Variants in ZBTB25 observed in about 807,000 individuals in gnomAD.
ZBTB25 encodes the protein zinc finger and BTB domain containing 25.
ZBTB25 carries 20 observed loss-of-function variants against 34.2 expected under a neutral mutation model. The observed-to-expected ratio is 0.58, with a 90% CI of 0.41 to 0.85. The LOEUF (loss-of-function observed/expected upper bound fraction) is 0.85. Among genes scored for constraint, ZBTB25 ranks in the 40% least tolerant of loss-of-function variants. ZBTB25 has a pLI of 0.00. For synonymous variants in ZBTB25, 175 were observed against 186.4 expected, an observed-to-expected ratio of 0.94 and a Z score of 0.50; for missense variants, 437 against 521.8, an observed-to-expected ratio of 0.84 and a Z score of 1.58.
chr14:64,453,241 C>T (rs1392535315), intron 2 of ZBTB25, among the ~76,000 whole-genome samples: 2 of 152,002 alleles, frequency 1.3e-5, no homozygotes, highest in African/African-American at 4.8e-5. Context: ...CTCTGTGGGA[C>T]ATTTTCACTT....
At chr14:64,468,097 G>A (rs2141003019) in intron 2 of ZBTB25, 1 of 192,224 alleles carries the variant, frequency 5.2e-6, no homozygotes, top group East Asian at 1.3e-4. Flanking sequence ...TAGGCTCATA[G>A]TGAAATAAAA....
chr14:64,491,625 A>C (rs2079081115), intron 1 of ZBTB25, among the ~76,000 whole-genome samples: 1 of 152,232 alleles, frequency 6.6e-6, no homozygotes, highest in Non-Finnish European at 1.5e-5. Flanking sequence ...AGCCGAGTAT[A>C]AGCAGCAAAA....
chr14:64,489,639 A>G (rs1169550863), intron 2 of ZBTB25, among the ~76,000 whole-genome samples: 2 of 150,668 alleles, frequency 1.3e-5, no homozygotes, highest in African/African-American at 4.9e-5. Flanking sequence ...AGGTACACGC[A>G]ATTCTCCTCC....
At chr14:64,502,845 T>C (rs1303603819) in intron 1 of ZBTB25, 2 of 979,642 alleles carry the variant, frequency 2.0e-6, no homozygotes, top group East Asian at 2.3e-4. Flanking sequence ...AAACAGATTT[T>C]CTATAAGGCA....
At chr14:64,501,421 G>A (rs1472635525) in intron 1 of ZBTB25, among the ~76,000 whole-genome samples, 2 of 152,210 alleles carry the variant, frequency 1.3e-5, no homozygotes, top group African/African-American at 4.8e-5. Context: ...CATAGCCTGT[G>A]CTAATAAACT....
chr14:64,500,876 C>T (rs1447092713), intron 1 of ZBTB25, among the ~76,000 whole-genome samples: 5 of 152,100 alleles, frequency 3.3e-5, no homozygotes, highest in African/African-American at 9.7e-5. Context: ...CATGGCGAAA[C>T]CCTGTCTCTA....
At position 64,452,375 on chromosome 14, in the gene ZBTB25, T is replaced by C. The variant is rs115777855; in HGVS notation, c.174-2737A>G. ...AGATATATTGCCTAATTTTTGTAATTTGCTCATCCAAATTACCCATGAGTA... is the reference window on the plus strand; with the variant it reads ...AGATATATTGCCTAATTTTTGTAATCTGCTCATCCAAATTACCCATGAGTA... On this transcript the variant is annotated intron_variant, in intron 2 of 2. Coordinates refer to the ZBTB25 transcript ENST00000555220. Among the ~76,000 whole-genome samples, 1,055 of 152,374 alleles carry C rather than the reference T, an allele frequency of 6.9e-3. 9 individuals carry two copies. Among genetic ancestry groups the C allele is most frequent in the African/African-American group, 0.024 (1,004 of 41,582 alleles).
In ZBTB25 at chr14:64,485,953, T is replaced by C; in HGVS notation, c.*970A>G. ...ATGCTTATTTATCTATGTGTGTATA[T>C]CTTACTGTTTCTTAAATATTTTTTA... On this transcript the variant is annotated 3_prime_UTR_variant, in exon 3 of 3. Transcript: ENST00000608382. 1 of 984,824 alleles carries C rather than the reference T, an allele frequency of 1.0e-6. No homozygotes were observed. Among genetic ancestry groups the C allele is most frequent in the Non-Finnish European group, 1.2e-6 (1 of 829,436 alleles). 61.0% of individuals were successfully genotyped at this position (984,824 alleles called of 1,614,324 possible).
At chr14:64,497,265 A>G (rs1166586591) in intron 1 of ZBTB25, among the ~76,000 whole-genome samples, 2 of 152,224 alleles carry the variant, frequency 1.3e-5, no homozygotes, top group Non-Finnish European at 2.9e-5. Flanking sequence ...CTTCAAATCA[A>G]TAGCCCCATT....
chr14:64,493,391 A>G (rs981376083), intron 1 of ZBTB25, among the ~76,000 whole-genome samples: 1 of 152,186 alleles, frequency 6.6e-6, no homozygotes, highest in African/African-American at 2.4e-5. Context: ...TATCTAACTT[A>G]TAGGTTATTT....
chr14:64,476,273 A>C (rs2078718261), downstream of ZBTB25, among the ~76,000 whole-genome samples: 1 of 152,270 alleles, frequency 6.6e-6, no homozygotes, highest in Non-Finnish European at 1.5e-5. Context: ...CATTTGCAAC[A>C]TAAGAACTTT....
At chr14:64,450,924 T>C (rs939209685) in intron 2 of ZBTB25, among the ~76,000 whole-genome samples, 6 of 152,014 alleles carry the variant, frequency 3.9e-5, no homozygotes, top group African/African-American at 1.5e-4. Context: ...CCCCAGCACT[T>C]TGGGAGGCCG....
chr14:64,473,729 C>T (rs940092776), downstream of ZBTB25: 1 of 166,890 alleles, frequency 6.0e-6, no homozygotes, highest in African/African-American at 2.4e-5. Flanking sequence ...TTTCTAATTT[C>T]ATCTGATAAT....
intron 1 of ZBTB25, among the ~76,000 whole-genome samples, chr14:64,500,609 C>G (rs2079458502): frequency 6.6e-6 from 1 of 151,962 alleles, no homozygotes; most frequent in South Asian, 2.1e-4. Flanking sequence ...CCAGCCTGGC[C>G]AATATGGTGA....
At position 64,449,514 on chromosome 14, in the gene ZBTB25, G is replaced by C. The variant is rs61985661; in HGVS notation, c.*37C>G. On this transcript the variant is annotated 3_prime_UTR_variant, in exon 3 of 3. Coordinates refer to the ZBTB25 transcript ENST00000555220. ...GAGAACATGGGGCTTTTGATGCCGT[G>C]AAGTGCACTCACTGGGCAGAAGGGG... 2.4e-5 allele frequency: 39 copies of C among 1,614,092 alleles called. No individual in the cohort carries two copies. The highest frequency in any genetic ancestry group is 5.3e-5 in the African/African-American group (4 of 74,948).
intron 2 of ZBTB25, chr14:64,458,323 G>A (rs369797412): frequency 1.3e-6 from 2 of 1,575,114 alleles, no homozygotes; most frequent in Non-Finnish European, 1.7e-6. Flanking sequence ...TTGTTACTGG[G>A]TAATAATTTG....
intron 1 of ZBTB25, among the ~76,000 whole-genome samples, chr14:64,491,707 A>C (rs1223306421): frequency 1.3e-5 from 2 of 152,134 alleles, no homozygotes; most frequent in Admixed American, 6.6e-5. Flanking sequence ...CTGTGGAGAG[A>C]GCCCTGGTAC....
At chr14:64,497,845 A>C (rs1158637927) in intron 1 of ZBTB25, among the ~76,000 whole-genome samples, 1 of 152,240 alleles carries the variant, frequency 6.6e-6, no homozygotes, top group African/African-American at 2.4e-5. Flanking sequence ...TCAGGCTGTA[A>C]GAATCCTTAA....
intron 2 of ZBTB25, chr14:64,458,232 C>A: frequency 6.2e-7 from 1 of 1,612,740 alleles, no homozygotes; most frequent in Non-Finnish European, 8.5e-7. Flanking sequence ...AATGCCTGGA[C>A]TCCCCACCCG....
Sources: gnomAD v4.1 joint callset for allele counts (sites outside exome capture counted in the v4.1 genomes callset) on GRCh38, gnomAD v4.1.1 for gene constraint, MANE v1.5 for transcripts, NCBI Gene and HGNC (gene_info 2026-07-23, HGNC 2026-07-21) for gene names.